OSBPL5: variants seen among roughly 807,000 people sequenced by gnomAD.
OSBPL5 encodes the protein oxysterol binding protein like 5.
In OSBPL5, 71 loss-of-function variants were observed where a neutral mutation model predicts 111.2. The observed-to-expected ratio is 0.64, with a 90% CI of 0.53 to 0.78. The LOEUF is 0.78. Among genes scored for constraint, OSBPL5 ranks in the 30% least tolerant of loss-of-function variants. OSBPL5 has a pLI of 0.00. For missense variants in OSBPL5, 1,210 were observed against 1,189.3 expected (o/e 1.02, Z -0.26); for synonymous variants, 549 against 513.9 (o/e 1.07, Z -0.93).
intron 14 of OSBPL5, among the ~76,000 whole-genome samples, chr11:3,096,960 GAGA>G (rs1344422179): frequency 7.6e-3 from 268 of 35,140 alleles, no homozygotes; most frequent in East Asian, 0.053. Context: ...ATGGGAGGAG[GAGA>G]AGAGGAAAGA....
intron 1 of OSBPL5, among the ~76,000 whole-genome samples, chr11:3,134,468 A>G (rs1590700617): frequency 6.6e-6 from 1 of 151,648 alleles, no homozygotes; most frequent in East Asian, 2.0e-4. Context: ...AGCCAGGCCC[A>G]CTCCCCAGCC....
chr11:3,150,308 T>TA lies in OSBPL5; in HGVS notation c.-22+14907dup, dbSNP rs199620815. ...CTCACTTTTTAAAGACAGCTTTTTT[T>TA]AAAAAAAAAGTTTTTTGGTTCCCAG... On this transcript the variant is annotated intron_variant, in intron 1 of 21. Transcript: ENST00000263650. 8.4e-3 allele frequency among the ~76,000 whole-genome samples: 1,273 copies of TA among 151,654 alleles called. 16 individuals are homozygous for TA. Among genetic ancestry groups the TA allele is most frequent in the African/African-American group, 0.029 (1,196 of 41,326 alleles).
chr11:3,109,841 C>G lies in OSBPL5; in HGVS notation c.692-1896G>C, dbSNP rs1276138450. ...ACTAGACATCCTGAATATTATGCATCCTTTGAAGCTCATTCCGAGACCTCT... is the reference window on the plus strand; with the variant it reads ...ACTAGACATCCTGAATATTATGCATGCTTTGAAGCTCATTCCGAGACCTCT... On this transcript the variant is annotated intron_variant, in intron 7 of 21. Transcript: ENST00000263650. This position sits in a 1 kb window ranked among gnomAD's most constrained non-coding sequence, Gnocchi z 7.4. Among the ~76,000 whole-genome samples the G allele has an allele frequency of 1.3e-5, 2 of 152,182 alleles. No individual in the cohort carries two copies. Among genetic ancestry groups the G allele is most frequent in the African/African-American group, 4.8e-5 (2 of 41,426 alleles).
At position 3,089,947 on chromosome 11, in the gene OSBPL5, G is replaced by C. The variant is rs372637161; in HGVS notation, c.2400C>G (p.Gly800=). The C allele has an allele frequency of 1.9e-5, 30 of 1,540,212 alleles. No homozygotes were observed. The highest frequency in any genetic ancestry group is 2.5e-5 in the Non-Finnish European group (28 of 1,140,840). The change falls in exon 21 of 22, where the codon GGC becomes GGG. Residue 800 remains glycine (G), a splice_region_variant and synonymous_variant. Coordinates refer to ENST00000263650, the MANE Select transcript of OSBPL5 (RefSeq NM_020896.4). The stretch of plus-strand genomic sequence containing the variant: ...TGCACCGAGGGCATGGGCTCTCACC[G>C]CCTGGGACGGCCCCGAGTGAGACAA... ...DEEQDGDFVP[G]GESPCPRCRK...
At chr11:3,114,503 T>G (rs917175110) in intron 7 of OSBPL5, among the ~76,000 whole-genome samples, 1 of 150,776 alleles carries the variant, frequency 6.6e-6, no homozygotes, top group East Asian at 1.9e-4. Context: ...AAGTTGTCTA[T>G]GACTAAAGGG....
Position 3,126,409 on chromosome 11 carries a change from C to T in OSBPL5, c.219+64G>A. 7.0e-7 allele frequency: 1 copy of T among 1,420,488 alleles called. No individual in the cohort carries two copies. Among genetic ancestry groups the T allele is most frequent in the Non-Finnish European group, 9.4e-7 (1 of 1,068,074 alleles). 88.0% of individuals were successfully genotyped at this position (1,420,488 alleles called of 1,614,324 possible). A position where few individuals can be genotyped will look rare whatever the true frequency, so the allele number is the denominator to read the frequency against. The stretch of plus-strand genomic sequence containing the variant: ...GACGCCCTGCTGTCCTTTTCCCCAG[C>T]CGTTTCCTGCTGTCCCCAGAGCCAG... On this transcript the variant is annotated intron_variant, in intron 3 of 21. Transcript: ENST00000263650. This position sits in a 1 kb window ranked among gnomAD's most constrained non-coding sequence, Gnocchi z 6.5.
chr11:3,096,951 T>TGGGAGAAGGAGAGGAAAGAGGGGGAAGAC (rs1564824381), intron 14 of OSBPL5, among the ~76,000 whole-genome samples: 2 of 30,854 alleles, frequency 6.5e-5, no homozygotes, highest in Non-Finnish European at 6.5e-5. Context: ...AGGGAGGAGA[T>TGGGAGAAGGAGAGGAAAGAGGGGGAAGAC]GGGAGGAGGA....
intron 15 of OSBPL5, 135 bp downstream of exon 15, chr11:3,094,102 G>C: frequency 2.3e-6 from 2 of 870,808 alleles, no homozygotes; most frequent in Non-Finnish European, 3.5e-6. Context: ...CTGTGTTCCG[G>C]GATGTCAACA....
chr11:3,155,516 A>C (rs1317256648), intron 1 of OSBPL5, among the ~76,000 whole-genome samples: 1 of 21,226 alleles, frequency 4.7e-5, no homozygotes, highest in African/African-American at 2.0e-4. Flanking sequence ...CACTCACCCC[A>C]GGTCTGCCAC....
Position 3,106,137 on chromosome 11 carries a change from T to C in OSBPL5, c.1059+1126A>G, listed in dbSNP as rs932605113. On this transcript the variant is annotated intron_variant, in intron 9 of 21. Transcript: ENST00000263650. This position sits in a 1 kb window ranked among gnomAD's most constrained non-coding sequence, Gnocchi z 8.4. ...TCCCCGCACAGGAGCCTGAGCTCTGTGGGAACAGCAGCCCGCAGGGAGGCC... is the reference window on the plus strand; with the variant it reads ...TCCCCGCACAGGAGCCTGAGCTCTGCGGGAACAGCAGCCCGCAGGGAGGCC... Among the ~76,000 whole-genome samples the C allele has an allele frequency of 2.6e-5, 4 of 152,106 alleles. No individual in the cohort carries two copies. Among genetic ancestry groups the C allele is most frequent in the South Asian group, 2.1e-4 (1 of 4,808 alleles).
At chr11:3,099,288 A>T (rs897569722) in intron 14 of OSBPL5, among the ~76,000 whole-genome samples, 4 of 152,184 alleles carry the variant, frequency 2.6e-5, no homozygotes, top group Non-Finnish European at 5.9e-5. Flanking sequence ...ATTCTGTGAG[A>T]TGTGGTAATG....
rs1564830693 is a variant in OSBPL5 at position 3,103,853 on chromosome 11, AGTCTGCGCAGCCCCC to A, written c.1244+325_1244+339del. Reference sequence around the variant, plus strand: ...CTTCCAGCCTCTGCAGCCCCTTTCCAGTCTGCGCAGCCCCCTTCCTGCCTCTGTAGCCCCATTCCT... The same window carrying A: ...CTTCCAGCCTCTGCAGCCCCTTTCCATTCCTGCCTCTGTAGCCCCATTCCT... On this transcript the variant is annotated intron_variant, in intron 10 of 21. Transcript: ENST00000263650. Among the ~76,000 whole-genome samples the A allele has an allele frequency of 8.0e-4, 39 of 48,818 alleles. 1 individual carries two copies. In the South Asian group the frequency reaches 0.011, roughly 14 times the overall value. 32.0% of individuals were successfully genotyped at this position (48,818 alleles called of 152,430 possible).
intron 4 of OSBPL5, 91 bp from the exon 5 acceptor site, chr11:3,122,189 G>A: frequency 7.2e-7 from 1 of 1,396,918 alleles, no homozygotes; most frequent in Non-Finnish European, 9.8e-7. Context: ...GGGTCCAGGG[G>A]CAGGGGCAGG....
Position 3,141,177 on chromosome 11 carries a change from T to A in OSBPL5, c.-21-12008A>T, listed in dbSNP as rs1369611980. Reference sequence around the variant, plus strand: ...CTCTGATGCTGACAGCCACCCAGGCTTCCCCCCGCCCAGCAGACAGTATCG... The same window carrying A: ...CTCTGATGCTGACAGCCACCCAGGCATCCCCCCGCCCAGCAGACAGTATCG... On this transcript the variant is annotated intron_variant, in intron 1 of 21. Transcript: ENST00000263650. The surrounding 1 kb of genome is among the most constrained non-coding windows in gnomAD (Gnocchi z 6.5). 6.6e-6 allele frequency among the ~76,000 whole-genome samples: 1 copy of A among 152,120 alleles called. No homozygotes were observed. The highest frequency in any genetic ancestry group is 1.5e-5 in the Non-Finnish European group (1 of 68,012).
At position 3,105,501 on chromosome 11, in the gene OSBPL5, G is replaced by A. The variant is rs1202235377; in HGVS notation, c.1060-1124C>T. On this transcript the variant is annotated intron_variant, in intron 9 of 21. Coordinates refer to ENST00000263650, the MANE Select transcript of OSBPL5 (RefSeq NM_020896.4). The surrounding 1 kb of genome is among the most constrained non-coding windows in gnomAD (Gnocchi z 5.2). ...GGTAGCTTCGGCTGTCAGGAATCCT[G>A]CTCTGTCCATGTGCTCCCGTCCCGT... 1.3e-5 allele frequency among the ~76,000 whole-genome samples: 2 copies of A among 152,126 alleles called. No individual in the cohort carries two copies. Among genetic ancestry groups the A allele is most frequent in the Non-Finnish European group, 2.9e-5 (2 of 68,008 alleles).
chr11:3,152,164 A>C (rs1401804261), intron 1 of OSBPL5, among the ~76,000 whole-genome samples: 5 of 152,202 alleles, frequency 3.3e-5, no homozygotes, highest in Non-Finnish European at 7.4e-5. Context: ...CCTGGGGGCA[A>C]AGCTCACAGC....
chr11:3,149,435 G>A (rs1166627465), intron 1 of OSBPL5, among the ~76,000 whole-genome samples: 1 of 152,240 alleles, frequency 6.6e-6, no homozygotes, highest in East Asian at 1.9e-4. Flanking sequence ...GACTGTGGCT[G>A]ACCCTCTTGC....
In OSBPL5 at chr11:3,165,022, C is replaced by G. The variant is rs1188761267; in HGVS notation, c.-22+194G>C. Among the ~76,000 whole-genome samples the G allele has an allele frequency of 1.3e-5, 2 of 150,976 alleles. No individual in the cohort carries two copies. Among genetic ancestry groups the G allele is most frequent in the African/African-American group, 4.8e-5 (2 of 41,290 alleles). On this transcript the variant is annotated intron_variant, in intron 1 of 21. Transcript: ENST00000263650. The surrounding 1 kb of genome is among the most constrained non-coding windows in gnomAD (Gnocchi z 7.4). The stretch of plus-strand genomic sequence containing the variant: ...GCTCCCCAGCTCCCCAGCGCGCGAC[C>G]GGCCCCGCGGCGTGGTTCCCCGCAC...
At chr11:3,114,756 G>C (rs1033659348) in intron 7 of OSBPL5, among the ~76,000 whole-genome samples, 1 of 151,386 alleles carries the variant, frequency 6.6e-6, no homozygotes, top group Non-Finnish European at 1.5e-5. Context: ...CCGCCACCAC[G>C]CCTGGCTAAT....
Sources: allele counts gnomAD v4.1 joint callset (sites outside exome capture counted in the v4.1 genomes callset), GRCh38; gene constraint gnomAD v4.1.1; non-coding constraint Gnocchi (gnomAD v3.1); transcripts MANE v1.5; gene names NCBI Gene and HGNC (gene_info 2026-07-23, HGNC 2026-07-21).